The following SLC4A10 variants were observed in gnomAD, a reference collection of about 807,000 sequenced individuals.
SLC4A10 encodes sodium-driven chloride bicarbonate exchanger.
In SLC4A10, 42 loss-of-function variants were observed where a neutral mutation model predicts 137.7. The observed-to-expected ratio is 0.30, with a 90% CI of 0.24 to 0.39. The LOEUF (loss-of-function observed/expected upper bound fraction) is 0.39, where lower values mean the gene tolerates loss of function less well. SLC4A10 is among the 10% of genes least tolerant of loss of function. The pLI, the probability that SLC4A10 is intolerant of heterozygous loss-of-function variation, is 1.00. For synonymous variants in SLC4A10, 474 were observed against 464.1 expected (o/e 1.02, Z -0.27); for missense variants, 925 against 1,355.0 (o/e 0.68, Z 4.98).
chr2:161,914,702 T>C (rs1434197754), intron 15 of SLC4A10, among the ~76,000 whole-genome samples: 1 of 152,138 alleles, frequency 6.6e-6, no homozygotes, highest in South Asian at 2.1e-4. Flanking sequence ...GCAGGAATAT[T>C]TCTCCTCACT....
chr2:161,671,496 T>G (rs549188282), intron 1 of SLC4A10, among the ~76,000 whole-genome samples: 4 of 152,266 alleles, frequency 2.6e-5, no homozygotes, highest in Admixed American at 2.0e-4. Flanking sequence ...AAATATAATG[T>G]AAATTCAAAA....
intron 15 of SLC4A10, among the ~76,000 whole-genome samples, chr2:161,922,713 T>C (rs1036705973): frequency 6.6e-6 from 1 of 152,180 alleles, no homozygotes; most frequent in African/African-American, 2.4e-5. Context: ...TTTTTCTTTT[T>C]TTATTTTGTA....
intron 19 of SLC4A10, among the ~76,000 whole-genome samples, chr2:161,954,875 A>G (rs1333849068): frequency 1.3e-5 from 2 of 152,210 alleles, no homozygotes; most frequent in African/African-American, 4.8e-5. Context: ...AAAACATTCA[A>G]TAAGAGCTAT....
At chr2:161,935,871 G>T (rs1218707709) in intron 15 of SLC4A10, among the ~76,000 whole-genome samples, 1 of 152,052 alleles carries the variant, frequency 6.6e-6, no homozygotes, top group Non-Finnish European at 1.5e-5. Flanking sequence ...TCCTGATCTT[G>T]CAGGAAAACC....
chr2:161,779,537 T>C (rs1027719752), intron 2 of SLC4A10, among the ~76,000 whole-genome samples: 9 of 152,010 alleles, frequency 5.9e-5, no homozygotes, highest in Non-Finnish European at 1.3e-4. Context: ...CTAACTAGAA[T>C]TATTGTAATT....
At position 161,979,030 on chromosome 2, in the gene SLC4A10, T is replaced by C. The variant is rs1004551889; in HGVS notation, c.*26+1270T>C. Among the ~76,000 whole-genome samples, 121 of 152,318 alleles carry C rather than the reference T, an allele frequency of 7.9e-4. 1 individual carries two copies. Among genetic ancestry groups the C allele is most frequent in the Non-Finnish European group, 5.9e-5 (4 of 68,028 alleles). ...TCTCAAGCCCATTGAAATGTGTACTTGTCACATGAAAAATACGACATTTCT... is the reference window on the plus strand; with the variant it reads ...TCTCAAGCCCATTGAAATGTGTACTCGTCACATGAAAAATACGACATTTCT... On this transcript the variant is annotated intron_variant, in intron 26 of 26. Transcript: ENST00000446997.
intron 15 of SLC4A10, among the ~76,000 whole-genome samples, chr2:161,926,249 A>G (rs1318641289): frequency 2.7e-5 from 4 of 149,528 alleles, no homozygotes; most frequent in African/African-American, 7.3e-5. Flanking sequence ...TATTAGATAC[A>G]TATATATTTA....
chr2:161,761,207 G>A (rs2050221529), intron 1 of SLC4A10, among the ~76,000 whole-genome samples: 1 of 151,946 alleles, frequency 6.6e-6, no homozygotes, highest in Admixed American at 6.6e-5. Flanking sequence ...TCTCTATATA[G>A]CACTGGCTTT....
intron 2 of SLC4A10, among the ~76,000 whole-genome samples, chr2:161,787,985 C>T (rs911894373): frequency 1.1e-4 from 16 of 152,090 alleles, no homozygotes; most frequent in African/African-American, 3.4e-4. Context: ...TCTTTTTGTA[C>T]CACTGGAGTT....
intron 7 of SLC4A10, chr2:161,873,672 T>C (rs564699070): frequency 5.3e-5 from 20 of 376,404 alleles, no homozygotes; most frequent in Non-Finnish European, 9.4e-5. Flanking sequence ...AATAAAGCCC[T>C]TAGCACTGGC....
At chr2:161,893,336 T>C (rs1055199724) in intron 10 of SLC4A10, among the ~76,000 whole-genome samples, 1 of 152,070 alleles carries the variant, frequency 6.6e-6, no homozygotes, top group Non-Finnish European at 1.5e-5. Context: ...TGTGTAGATA[T>C]AATATATAGT....
chr2:161,797,075 C>G (rs2054848707), intron 2 of SLC4A10, among the ~76,000 whole-genome samples: 2 of 152,040 alleles, frequency 1.3e-5, no homozygotes, highest in Admixed American at 6.6e-5. Context: ...ATATGTTGAT[C>G]TATTTTCTTT....
intron 4 of SLC4A10, among the ~76,000 whole-genome samples, chr2:161,842,571 G>A (rs2125802146): frequency 6.6e-6 from 1 of 151,870 alleles, no homozygotes; most frequent in African/African-American, 2.4e-5. Context: ...ATGTTATTCA[G>A]TATGAACTAA....
chr2:161,747,705 A>C (rs1275618529), intron 1 of SLC4A10, among the ~76,000 whole-genome samples: 1 of 152,046 alleles, frequency 6.6e-6, no homozygotes, highest in Non-Finnish European at 1.5e-5. Context: ...CTATCACAAA[A>C]CACTTAAGTT....
intron 1 of SLC4A10, among the ~76,000 whole-genome samples, chr2:161,626,935 TGA>T: frequency 6.6e-6 from 1 of 152,156 alleles, no homozygotes; most frequent in Non-Finnish European, 1.5e-5. Context: ...AATAATTTTG[TGA>T]GAGGCAATAT....
chr2:161,807,683 G>A (rs2056133977), intron 3 of SLC4A10, among the ~76,000 whole-genome samples: 1 of 152,052 alleles, frequency 6.6e-6, no homozygotes, highest in Non-Finnish European at 1.5e-5. Flanking sequence ...AGTAATACTA[G>A]TATTCTAAAT....
At chr2:161,720,915 T>G (rs535534711) in intron 1 of SLC4A10, among the ~76,000 whole-genome samples, 2 of 152,036 alleles carry the variant, frequency 1.3e-5, no homozygotes, top group East Asian at 3.9e-4. Context: ...CTGCAACCTC[T>G]GCCCCCAGGT....
At chr2:161,753,557 A>G (rs1327245508) in intron 1 of SLC4A10, among the ~76,000 whole-genome samples, 1 of 152,152 alleles carries the variant, frequency 6.6e-6, no homozygotes, top group Non-Finnish European at 1.5e-5. Flanking sequence ...TGTAAAGTGG[A>G]GACGATATCC....
chr2:161,894,559 G>A (rs1219468640), intron 10 of SLC4A10, 120 bp from the exon 11 acceptor site: 2 of 415,410 alleles, frequency 4.8e-6, no homozygotes, highest in Non-Finnish European at 7.7e-6. Context: ...TAGAGTCAGA[G>A]CTGTCTATTT....
Sources: allele counts gnomAD v4.1 joint callset (sites outside exome capture counted in the v4.1 genomes callset), GRCh38; gene constraint gnomAD v4.1.1; transcripts MANE v1.5; gene names NCBI Gene and HGNC (gene_info 2026-07-23, HGNC 2026-07-21).